The following INPP4B variants were observed in gnomAD, a reference collection of about 807,000 sequenced individuals.
INPP4B encodes inositol polyphosphate 4-phosphatase type II.
INPP4B carries 55 observed loss-of-function variants against 122.5 expected under a neutral mutation model. The ratio of observed to expected loss-of-function variants is 0.45; its 90% CI spans 0.36 to 0.56. The LOEUF is 0.56. INPP4B is among the 20% of genes least tolerant of loss of function. The pLI is 0.00. For missense variants in INPP4B, 1,000 were observed against 1,097.7 expected (o/e 0.91, Z 1.26); for synonymous variants, 403 against 388.7 (o/e 1.04, Z -0.43).
At chr4:142,308,516 T>G (rs1366503124) in intron 8 of INPP4B, among the ~76,000 whole-genome samples, 1 of 152,092 alleles carries the variant, frequency 6.6e-6, no homozygotes, top group African/African-American at 2.4e-5. Flanking sequence ...TTTCTTCACC[T>G]CAGTATAAAT....
chr4:142,417,227 A>G (rs952940262), intron 5 of INPP4B, among the ~76,000 whole-genome samples: 1 of 152,170 alleles, frequency 6.6e-6, no homozygotes, highest in Non-Finnish European at 1.5e-5. Context: ...ACACTACTCA[A>G]ATTAAATTAA....
chr4:142,513,118 T>C (rs565296960), intron 2 of INPP4B, among the ~76,000 whole-genome samples: 1 of 152,302 alleles, frequency 6.6e-6, no homozygotes, highest in South Asian at 2.1e-4. Flanking sequence ...CTTCAGAATA[T>C]TAATTTAATG....
chr4:142,103,633 AG>A (rs1785556264), intron 23 of INPP4B, among the ~76,000 whole-genome samples: 1 of 152,164 alleles, frequency 6.6e-6, no homozygotes, highest in Non-Finnish European at 1.5e-5. Context: ...GCCTTAATAT[AG>A]ATTATTCTTT....
intron 2 of INPP4B, among the ~76,000 whole-genome samples, chr4:142,684,864 A>AT (rs901154718): frequency 1.3e-5 from 2 of 152,000 alleles, no homozygotes; most frequent in Admixed American, 6.6e-5. Context: ...ATTGGACAAA[A>AT]TTGGCATAAG....
chr4:142,702,590 C>T (rs913857027), intron 2 of INPP4B, among the ~76,000 whole-genome samples: 1 of 151,740 alleles, frequency 6.6e-6, no homozygotes, highest in African/African-American at 2.4e-5. Context: ...ATTAGCTGGG[C>T]GTGGTGGTGC....
At chr4:142,165,736 A>G (rs937116028) in intron 16 of INPP4B, among the ~76,000 whole-genome samples, 3 of 151,764 alleles carry the variant, frequency 2.0e-5, no homozygotes, top group African/African-American at 7.2e-5. Context: ...TCTTGAATCA[A>G]TAACTAGGTG....
chr4:142,611,637 C>T lies in INPP4B; in HGVS notation c.-191+114202G>A, dbSNP rs377328888. Among the ~76,000 whole-genome samples the T allele has an allele frequency of 5.0e-3, 323 of 65,076 alleles. 3 individuals are homozygous for T. Among genetic ancestry groups the T allele is most frequent in the African/African-American group, 0.012 (193 of 15,602 alleles). The allele number at this position is 65,076 out of a possible 152,430, so 42.7% of individuals were successfully genotyped here. ...CTGGAAGTTCTGTTTTTTCTTTTTT[C>T]TTTTTTTTTTTTTTTTTTTTTTTTG... On this transcript the variant is annotated intron_variant, in intron 2 of 25. Coordinates refer to ENST00000262992, the MANE Select transcript of INPP4B (RefSeq NM_001101669.3).
At chr4:142,724,551 T>G (rs1259315667) in intron 2 of INPP4B, among the ~76,000 whole-genome samples, 4 of 152,180 alleles carry the variant, frequency 2.6e-5, no homozygotes, top group African/African-American at 9.7e-5. Context: ...TGTCCCTATT[T>G]GGAGAGTCAA....
intron 1 of INPP4B, among the ~76,000 whole-genome samples, chr4:142,792,123 T>C (rs1273310321): frequency 2.0e-5 from 3 of 152,052 alleles, no homozygotes; most frequent in African/African-American, 7.2e-5. Flanking sequence ...GGTGGTCCTG[T>C]GCCTGTAGTC....
chr4:142,464,171 C>A (rs1290927712), intron 2 of INPP4B, among the ~76,000 whole-genome samples: 1 of 152,020 alleles, frequency 6.6e-6, no homozygotes, highest in African/African-American at 2.4e-5. Context: ...ATTTATAAAA[C>A]AATTTACTAT....
At chr4:142,702,065 C>G (rs531260212) in intron 2 of INPP4B, among the ~76,000 whole-genome samples, 12 of 152,242 alleles carry the variant, frequency 7.9e-5, no homozygotes, top group Non-Finnish European at 1.6e-4. Flanking sequence ...AAGTTAGGAG[C>G]CTGAGCAATC....
intron 1 of INPP4B, among the ~76,000 whole-genome samples, chr4:142,819,858 T>C (rs922819845): frequency 6.6e-6 from 1 of 152,018 alleles, no homozygotes; most frequent in Non-Finnish European, 1.5e-5. Context: ...ATTCAAAGTA[T>C]AACGTGGCTT....
chr4:142,686,591 A>C (rs1166752829), intron 2 of INPP4B, among the ~76,000 whole-genome samples: 11 of 152,130 alleles, frequency 7.2e-5, no homozygotes, highest in Non-Finnish European at 1.3e-4. Flanking sequence ...AAATATTGTT[A>C]CATCTTTGAC....
chr4:142,346,505 A>G (rs1780364405), intron 7 of INPP4B, among the ~76,000 whole-genome samples: 1 of 152,000 alleles, frequency 6.6e-6, no homozygotes, highest in Non-Finnish European at 1.5e-5. Flanking sequence ...TCTCTTTCAT[A>G]AAACAAAATA....
chr4:142,157,674 T>C (rs963036414), intron 17 of INPP4B, among the ~76,000 whole-genome samples: 1 of 152,122 alleles, frequency 6.6e-6, no homozygotes, highest in Non-Finnish European at 1.5e-5. Flanking sequence ...AAAGACTTTT[T>C]TCCTGGTGTT....
intron 2 of INPP4B, among the ~76,000 whole-genome samples, chr4:142,486,396 T>C (rs1335136463): frequency 6.6e-6 from 1 of 152,192 alleles, no homozygotes; most frequent in Non-Finnish European, 1.5e-5. Flanking sequence ...TTCATCATGC[T>C]TATCACCCAT....
intron 1 of INPP4B, among the ~76,000 whole-genome samples, chr4:142,802,831 G>A (rs1778177490): frequency 6.6e-6 from 1 of 151,020 alleles, no homozygotes. Flanking sequence ...TGCCTTCCCT[G>A]TGCAAAATAA....
At chr4:142,618,835 A>T (rs1287321095) in intron 2 of INPP4B, among the ~76,000 whole-genome samples, 1 of 152,010 alleles carries the variant, frequency 6.6e-6, no homozygotes, top group Non-Finnish European at 1.5e-5. Flanking sequence ...ATATCTAATA[A>T]GGGATTACTA....
At chr4:142,078,258 T>C (rs957500536) in intron 25 of INPP4B, among the ~76,000 whole-genome samples, 4 of 152,060 alleles carry the variant, frequency 2.6e-5, no homozygotes, top group African/African-American at 7.2e-5. Flanking sequence ...ATGGTTTCTA[T>C]TGTTTTTGAA....
Sources: allele counts gnomAD v4.1 joint callset (sites outside exome capture counted in the v4.1 genomes callset), GRCh38; gene constraint gnomAD v4.1.1; transcripts MANE v1.5; gene names NCBI Gene and HGNC (gene_info 2026-07-23, HGNC 2026-07-21).